WWOX: variants seen among roughly 807,000 people sequenced by gnomAD.
The protein encoded by WWOX is WW domain containing oxidoreductase.
In WWOX, 69 loss-of-function variants were observed where a neutral mutation model predicts 46.2. The ratio of observed to expected loss-of-function variants is 1.49; its 90% CI spans 1.23 to 1.82. WWOX has a LOEUF of 1.82. Ranked by LOEUF, WWOX falls within the 40% of genes most tolerant of loss-of-function variation. The probability of loss-of-function intolerance (pLI) is 0.00; values close to 1 mark genes in which losing one functional copy is unlikely to be tolerated. For synonymous variants in WWOX, 359 were observed against 202.6 expected, an observed-to-expected ratio of 1.77 and a Z score of -6.56; for missense variants, 919 against 542.6, an observed-to-expected ratio of 1.69 and a Z score of -6.89.
At chr16:79,109,993 G>A (rs139804675) in intron 8 of WWOX, among the ~76,000 whole-genome samples, 15 of 152,292 alleles carry the variant, frequency 9.8e-5, no homozygotes, top group South Asian at 2.1e-4. Flanking sequence ...AGTCCAGCCC[G>A]TTATGTCGCA....
chr16:78,759,265 A>G (rs992852934), intron 8 of WWOX, among the ~76,000 whole-genome samples: 1 of 152,220 alleles, frequency 6.6e-6, no homozygotes, highest in African/African-American at 2.4e-5. Flanking sequence ...GAAGGTGGGC[A>G]TGGCAGGGAA....
At chr16:78,891,738 G>A (rs1219396214) in intron 8 of WWOX, 1 of 152,060 alleles carries the variant, frequency 6.6e-6, no homozygotes, top group African/African-American at 2.4e-5. Flanking sequence ...CTCAGATCTT[G>A]AAAGATGACA....
chr16:79,033,118 G>A (rs1367900212), intron 8 of WWOX, among the ~76,000 whole-genome samples: 5 of 148,704 alleles, frequency 3.4e-5, no homozygotes, highest in South Asian at 4.2e-4. Flanking sequence ...TTTTAAGGCT[G>A]CATAGTATTC....
At chr16:78,543,501 C>G (rs986282720) in intron 8 of WWOX, among the ~76,000 whole-genome samples, 2 of 152,204 alleles carry the variant, frequency 1.3e-5, no homozygotes, top group Admixed American at 6.5e-5. Flanking sequence ...GCAGCTTCCA[C>G]CCATGCACCT....
intron 8 of WWOX, among the ~76,000 whole-genome samples, chr16:78,908,962 A>G (rs2045038587): frequency 6.6e-6 from 1 of 152,200 alleles, no homozygotes; most frequent in Non-Finnish European, 1.5e-5. Flanking sequence ...CTTGTGGCTA[A>G]TTTGTTAGTC....
At chr16:78,150,483 A>G (rs1165882064) in intron 4 of WWOX, among the ~76,000 whole-genome samples, 4 of 152,170 alleles carry the variant, frequency 2.6e-5, no homozygotes, top group African/African-American at 7.2e-5. Flanking sequence ...GGCTAAAGCC[A>G]TCCTCCTGCC....
chr16:78,804,544 C>T (rs2050977828), intron 8 of WWOX, among the ~76,000 whole-genome samples: 1 of 152,192 alleles, frequency 6.6e-6, no homozygotes, highest in East Asian at 1.9e-4. Flanking sequence ...CATTTGGAGC[C>T]TGATGAGAAC....
intron 8 of WWOX, among the ~76,000 whole-genome samples, chr16:78,628,284 TG>T (rs1244117065): frequency 6.6e-6 from 1 of 152,214 alleles, no homozygotes; most frequent in East Asian, 1.9e-4. Flanking sequence ...TAATGTTTCC[TG>T]AAGTTTCCCT....
At chr16:78,530,529 C>T (rs1323682596) in intron 8 of WWOX, among the ~76,000 whole-genome samples, 2 of 152,206 alleles carry the variant, frequency 1.3e-5, no homozygotes, top group African/African-American at 2.4e-5. Flanking sequence ...CCAGCTGCTT[C>T]TCCTCTTTTC....
chr16:78,668,843 T>C (rs1047924500), intron 8 of WWOX, among the ~76,000 whole-genome samples: 2 of 152,170 alleles, frequency 1.3e-5, no homozygotes, highest in Middle Eastern at 3.2e-3. Context: ...TGAGTCTTCC[T>C]GATGAGACAC....
chr16:78,431,266 G>C (rs929747238), intron 7 of WWOX, among the ~76,000 whole-genome samples: 6 of 152,170 alleles, frequency 3.9e-5, no homozygotes, highest in Non-Finnish European at 8.8e-5. Context: ...AAAAACATTA[G>C]ATTTTGCCAG....
chr16:78,970,586 A>G (rs1467067), intron 8 of WWOX, among the ~76,000 whole-genome samples: 1 of 152,098 alleles, frequency 6.6e-6, no homozygotes, highest in South Asian at 2.1e-4. Flanking sequence ...TAAGACATTC[A>G]AGGTAGAAGG....
At chr16:79,037,121 A>T (rs1467602941) in intron 8 of WWOX, among the ~76,000 whole-genome samples, 1 of 152,106 alleles carries the variant, frequency 6.6e-6, no homozygotes, top group Non-Finnish European at 1.5e-5. Context: ...TCAGTTTGTA[A>T]TCTCTCTCAA....
rs1434009474 is a variant in WWOX at position 79,212,135 on chromosome 16, G to T, written c.*339G>T. The stretch of plus-strand genomic sequence containing the variant: ...CTTTTACTGTTATAGAATAGCCTGA[G>T]GTCCCCTCGTCCCATCCAGCTACCA... On this transcript the variant is annotated 3_prime_UTR_variant, in exon 9 of 9. Coordinates refer to ENST00000566780, the MANE Select transcript of WWOX (RefSeq NM_016373.4). 4.6e-6 allele frequency: 7 copies of T among 1,527,624 alleles called. No homozygotes were observed. The African/African-American group carries it at 6.9e-5, about 15-fold the overall frequency. The allele number at this position is 1,527,624 out of a possible 1,614,324, so 94.6% of individuals were successfully genotyped here.
intron 8 of WWOX, among the ~76,000 whole-genome samples, chr16:78,980,891 T>G (rs901411595): frequency 1.3e-5 from 2 of 152,196 alleles, no homozygotes; most frequent in Admixed American, 1.3e-4. Flanking sequence ...TGGGTAAATG[T>G]AGAGGTGATG....
rs149037980 is a variant in WWOX, at chr16:78,344,552, G to T, written c.517-42308G>T. 2.8e-4 allele frequency among the ~76,000 whole-genome samples: 34 copies of T among 120,850 alleles called. 6 individuals carry two copies. The highest frequency in any genetic ancestry group is 9.5e-4 in the African/African-American group (34 of 35,682). 79.3% of individuals were successfully genotyped at this position (120,850 alleles called of 152,430 possible). On this transcript the variant is annotated intron_variant, in intron 5 of 8. Coordinates refer to ENST00000566780, the MANE Select transcript of WWOX (RefSeq NM_016373.4). ...ACCTTTACCATGAATGGGAATCTTT[G>T]CCTGTGACTCTATCGTGTGAATTAG...
At chr16:79,000,063 G>T (rs962910332) in intron 8 of WWOX, among the ~76,000 whole-genome samples, 1 of 152,058 alleles carries the variant, frequency 6.6e-6, no homozygotes, top group Non-Finnish European at 1.5e-5. Flanking sequence ...GTCTCTTCAG[G>T]CTCCTGGGAT....
intron 7 of WWOX, 45 bp downstream of exon 7, chr16:78,425,100 C>G: frequency 1.2e-6 from 2 of 1,606,098 alleles, no homozygotes; most frequent in Non-Finnish European, 1.7e-6. Flanking sequence ...CTTTCTCATA[C>G]CAGCTAATAT....
intron 8 of WWOX, among the ~76,000 whole-genome samples, chr16:78,934,269 C>T (rs373565079): frequency 2.7e-4 from 39 of 145,250 alleles, no homozygotes; most frequent in South Asian, 2.2e-3. Flanking sequence ...ACCCAGGAGG[C>T]GGATCTTGCA....
Sources: allele counts gnomAD v4.1 joint callset (sites outside exome capture counted in the v4.1 genomes callset), GRCh38; gene constraint gnomAD v4.1.1; transcripts MANE v1.5; gene names NCBI Gene and HGNC (gene_info 2026-07-23, HGNC 2026-07-21).